The following IL33 variants were observed in gnomAD, a reference collection of about 807,000 sequenced individuals.
IL33 encodes the protein interleukin 33, also known as interleukin-33.
Under a neutral mutation model 27.3 loss-of-function variants are expected in IL33, and 37 were observed. That is an observed-to-expected ratio of 1.36 (90% CI 1.04 to 1.78). The LOEUF (loss-of-function observed/expected upper bound fraction) is 1.78. IL33 is among the 40% of genes most tolerant of loss of function. The probability of loss-of-function intolerance (pLI) is 0.00; values close to 1 mark genes in which losing one functional copy is unlikely to be tolerated. For missense variants in IL33, 406 were observed against 311.4 expected, an observed-to-expected ratio of 1.30 and a Z score of -2.29; for synonymous variants, 132 against 102.9, an observed-to-expected ratio of 1.28 and a Z score of -1.71.
At position 6,256,193 on chromosome 9, in the gene IL33, G is replaced by A. The variant is rs369286450; in HGVS notation, c.*25G>A. 78 of 1,543,648 alleles carry A rather than the reference G, an allele frequency of 5.1e-5. No individual in the cohort carries two copies. The African/African-American group carries it at 8.8e-4, about 18-fold the overall frequency. On this transcript the variant is annotated 3_prime_UTR_variant, in exon 8 of 8. Coordinates refer to ENST00000682010, the MANE Select transcript of IL33 (RefSeq NM_033439.4). ...GTTGATGGAAACCTGTGAGTCTTGG[G>A]TTGAGTACCCAAATGCTACCACTGG...
intron 2 of IL33, among the ~76,000 whole-genome samples, chr9:6,244,552 T>G (rs1819711445): frequency 6.6e-6 from 1 of 152,232 alleles, no homozygotes; most frequent in Non-Finnish European, 1.5e-5. Context: ...ATAATGTGAA[T>G]GTCTGCTCTC....
Position 6,256,443 on chromosome 9 carries a change from C to CT in IL33, c.*275_*276insT. 1 of 454,694 alleles carries CT rather than the reference C, an allele frequency of 2.2e-6. No homozygotes were observed. Among genetic ancestry groups the CT allele is most frequent in the Non-Finnish European group, 3.8e-6 (1 of 260,558 alleles). The allele number at this position is 454,694 out of a possible 1,614,324, so 28.2% of individuals were successfully genotyped here. On this transcript the variant is annotated 3_prime_UTR_variant, in exon 8 of 8. Transcript: ENST00000682010. The stretch of plus-strand genomic sequence containing the variant: ...AACATTCTAAAGAGATACAGTCTGA[C>CT]CTTTACTTTTCTCTAGTTTCAGTCC...
upstream of IL33, chr9:6,215,791 A>G (rs1818109313): frequency 6.6e-6 from 1 of 152,188 alleles, no homozygotes; most frequent in African/African-American, 2.4e-5. Context: ...AAAAGAGTCT[A>G]CAGACTCCTC....
intron 1 of IL33, among the ~76,000 whole-genome samples, chr9:6,236,182 T>C (rs1358543330): frequency 6.6e-6 from 1 of 152,190 alleles, no homozygotes; most frequent in Non-Finnish European, 1.5e-5. Context: ...CTATTTATAA[T>C]GTTACTTGTA....
chr9:6,251,200 G>A lies in IL33; in HGVS notation c.278G>A (p.Cys93Tyr). 3 of 1,614,018 alleles carry A rather than the reference G, an allele frequency of 1.9e-6. No individual in the cohort carries two copies. The highest frequency in any genetic ancestry group is 2.5e-6 in the Non-Finnish European group (3 of 1,179,912). ...TGTCAACAGCAGTCTACTGTGGAGT[G>A]CTTTGCCTTTGGTATATCAGGGGTC... ...AACQQQSTVECFAFGISGVQK... is the reference protein window; with the variant it reads ...AACQQQSTVEYFAFGISGVQK... Residue 93 changes from cysteine to tyrosine, a missense_variant, in exon 4 of 8, where the codon TGC becomes TAC. By Grantham distance (194) the Cys-to-Tyr change is radical. Coordinates refer to ENST00000682010, the MANE Select transcript of IL33 (RefSeq NM_033439.4).
rs1464331327 is a variant in IL33 at position 6,257,110 on chromosome 9, A to G, written c.*942A>G. 6.6e-6 allele frequency: 1 copy of G among 152,160 alleles called. No homozygotes were observed. Among genetic ancestry groups the G allele is most frequent in the South Asian group, 2.1e-4 (1 of 4,824 alleles). The allele number at this position is 152,160 out of a possible 1,614,324, so 9.4% of individuals were successfully genotyped here. ...CAGAGCCTAGATGAGACACCGAATT[A>G]ACATTAAAATTTCAGTAACTGACTG... is the stretch of plus-strand genomic sequence containing the variant. On this transcript the variant is annotated 3_prime_UTR_variant, in exon 8 of 8. Coordinates refer to ENST00000682010, the MANE Select transcript of IL33 (RefSeq NM_033439.4).
chr9:6,222,400 A>G (rs1285148225), intron 1 of IL33, among the ~76,000 whole-genome samples: 2 of 152,220 alleles, frequency 1.3e-5, no homozygotes, highest in Admixed American at 1.3e-4. Context: ...CTTGCAGCAT[A>G]CCAGCTAAAT....
chr9:6,247,229 G>A (rs1819910694), intron 2 of IL33, among the ~76,000 whole-genome samples: 1 of 152,182 alleles, frequency 6.6e-6, no homozygotes, highest in Non-Finnish European at 1.5e-5. Flanking sequence ...GCAGACAGTA[G>A]AGGGATAACT....
At chr9:6,254,440 T>G in intron 6 of IL33, 22 bp from the exon 7 acceptor site, 1 of 1,485,484 alleles carries the variant, frequency 6.7e-7, no homozygotes, top group Non-Finnish European at 9.2e-7. Context: ...AACTTTATCA[T>G]TTATACTTTC....
upstream of IL33, chr9:6,215,649 T>C (rs1421316530): frequency 6.6e-6 from 1 of 152,154 alleles, no homozygotes; most frequent in Non-Finnish European, 1.5e-5. Context: ...ACGCAGAAAG[T>C]AGTGAGCCTT....
intron 4 of IL33, among the ~76,000 whole-genome samples, chr9:6,252,447 A>G (rs1816458795): frequency 6.6e-6 from 1 of 152,218 alleles, no homozygotes; most frequent in African/African-American, 2.4e-5. Context: ...CGCATTCTCC[A>G]GGACTGTCAG....
chr9:6,254,076 G>C (rs1564075714), intron 6 of IL33, among the ~76,000 whole-genome samples: 1 of 152,150 alleles, frequency 6.6e-6, no homozygotes, highest in Non-Finnish European at 1.5e-5. Context: ...ACATTGGTCA[G>C]AACTCAGTTG....
chr9:6,247,617 G>A (rs573840431), intron 2 of IL33, among the ~76,000 whole-genome samples: 43 of 152,092 alleles, frequency 2.8e-4, no homozygotes, highest in African/African-American at 9.2e-4. Context: ...TGCCCTCAGC[G>A]AGCAGGCAGG....
At chr9:6,228,505 C>T (rs1365207054) in intron 1 of IL33, among the ~76,000 whole-genome samples, 2 of 151,644 alleles carry the variant, frequency 1.3e-5, no homozygotes, top group African/African-American at 2.4e-5. Flanking sequence ...CTCTATGTTC[C>T]ATGTTGTTTT....
At chr9:6,252,096 C>CA (rs1491355712) in intron 4 of IL33, among the ~76,000 whole-genome samples, 1 of 75,538 alleles carries the variant, frequency 1.3e-5, no homozygotes, top group Non-Finnish European at 2.7e-5. Context: ...AACAAAAAAA[C>CA]CAACTTTACC....
At chr9:6,231,970 C>T (rs1818949514) in intron 1 of IL33, among the ~76,000 whole-genome samples, 1 of 152,154 alleles carries the variant, frequency 6.6e-6, no homozygotes, top group Non-Finnish European at 1.5e-5. Context: ...AGACTCATCA[C>T]AGCAAATCAG....
chr9:6,220,951 A>G (rs188654646), intron 1 of IL33, among the ~76,000 whole-genome samples: 118 of 152,100 alleles, frequency 7.8e-4, no homozygotes, highest in African/African-American at 2.5e-3. Context: ...ATGAGGTCTC[A>G]CTATGTTGCC....
intron 1 of IL33, among the ~76,000 whole-genome samples, chr9:6,239,805 A>T (rs1349711624): frequency 6.6e-6 from 1 of 152,062 alleles, no homozygotes; most frequent in African/African-American, 2.4e-5. Flanking sequence ...TAGCCTCACT[A>T]GTTTTTTAGT....
At chr9:6,229,275 C>T (rs896412380) in intron 1 of IL33, among the ~76,000 whole-genome samples, 3 of 152,230 alleles carry the variant, frequency 2.0e-5, no homozygotes, top group African/African-American at 7.2e-5. Flanking sequence ...AAGGGGATGC[C>T]AATCTACCTT....
Sources: allele counts gnomAD v4.1 joint callset (sites outside exome capture counted in the v4.1 genomes callset), GRCh38; gene constraint gnomAD v4.1.1; transcripts MANE v1.5; gene names NCBI Gene and HGNC (gene_info 2026-07-23, HGNC 2026-07-21).